RAC1: variants seen among roughly 807,000 people sequenced by gnomAD.
RAC1 encodes Rac family small GTPase 1.
A neutral mutation model predicts 25.2 loss-of-function variants in RAC1; 2 were observed. The ratio of observed to expected loss-of-function variants is 0.08; its 90% CI spans 0.03 to 0.25. The LOEUF (loss-of-function observed/expected upper bound fraction) is 0.25, where lower values mean the gene tolerates loss of function less well. RAC1 is among the 10% of genes least tolerant of loss of function. RAC1 has a pLI of 1.00. For missense variants in RAC1, 50 were observed against 235.7 expected (o/e 0.21, Z 5.16); for synonymous variants, 88 against 94.0 (o/e 0.94, Z 0.37).
In RAC1 at chr7:6,380,204, GTT is replaced by G. The variant is rs200906891; in HGVS notation, c.35+5437_35+5438del. Among the ~76,000 whole-genome samples the G allele has an allele frequency of 7.6e-3, 1,161 of 152,278 alleles. 10 individuals are homozygous for G. The highest frequency in any genetic ancestry group is 0.026 in the African/African-American group (1,088 of 41,550). On this transcript the variant is annotated intron_variant, in intron 1 of 5. Coordinates refer to ENST00000348035, the MANE Select transcript of RAC1 (RefSeq NM_006908.5). ...ATGAATTTGTTTAAGCTTTTCAGCTGTTTTGTGTGTTTTCCTCTCAAGGCATG... is the reference window on the plus strand; with the variant it reads ...ATGAATTTGTTTAAGCTTTTCAGCTGTTGTGTGTTTTCCTCTCAAGGCATG...
intron 2 of RAC1, among the ~76,000 whole-genome samples, chr7:6,387,905 T>C (rs1267930866): frequency 6.6e-6 from 1 of 152,102 alleles, no homozygotes; most frequent in Non-Finnish European, 1.5e-5. Flanking sequence ...GAAACAGTCC[T>C]TGTCAGTGCA....
chr7:6,402,058 G>A (rs377255828), intron 5 of RAC1, 31 bp downstream of exon 5: 6 of 1,602,000 alleles, frequency 3.7e-6, no homozygotes, highest in Non-Finnish European at 5.1e-6. Context: ...CCTCCTCCTT[G>A]TACCTCTTTT....
chr7:6,398,540 T>A lies in RAC1; in HGVS notation c.226-1586T>A, dbSNP rs1183154631. The A allele has an allele frequency of 2.5e-4, 190 of 757,796 alleles. 2 individuals carry two copies. Among genetic ancestry groups the A allele is most frequent in the Non-Finnish European group, 6.2e-5 (28 of 454,072 alleles). 46.9% of individuals were successfully genotyped at this position (757,796 alleles called of 1,614,324 possible). A position where few individuals can be genotyped will look rare whatever the true frequency, so the allele number is the denominator to read the frequency against. ...CGAAGATATGTTAGAATCTATTGTA[T>A]GCTTTTGGATCTCTCCGGAGGGTTA... On this transcript the variant is annotated intron_variant, in intron 3 of 5. Transcript: ENST00000348035.
At chr7:6,387,457 T>TG (rs1262732022) in intron 2 of RAC1, among the ~76,000 whole-genome samples, 174 bp downstream of exon 2, 2 of 152,126 alleles carry the variant, frequency 1.3e-5, no homozygotes, top group Non-Finnish European at 2.9e-5. Context: ...AAAATAGGGC[T>TG]GGGGGTGGTG....
At chr7:6,390,889 T>G (rs1033702012) in intron 2 of RAC1, among the ~76,000 whole-genome samples, 3 of 152,040 alleles carry the variant, frequency 2.0e-5, no homozygotes, top group East Asian at 1.9e-4. Context: ...CATCACACCT[T>G]TTCTTTCTTC....
chr7:6,376,271 C>T (rs1466355885), intron 1 of RAC1, among the ~76,000 whole-genome samples: 2 of 149,212 alleles, frequency 1.3e-5, no homozygotes, highest in Non-Finnish European at 3.0e-5. Context: ...CAACCTCCGC[C>T]TCCCAGGTTC....
At chr7:6,391,885 T>C (rs1783102456) in intron 2 of RAC1, 39 bp from the exon 3 acceptor site, 1 of 1,613,670 alleles carries the variant, frequency 6.2e-7, no homozygotes, top group South Asian at 1.1e-5. Context: ...TGACTTAGCT[T>C]CTACACCTGT....
intron 1 of RAC1, among the ~76,000 whole-genome samples, chr7:6,383,725 AG>A (rs200683882): frequency 0.012 from 1,805 of 147,782 alleles, 40 homozygotes; most frequent in African/African-American, 0.043. Flanking sequence ...AAACCTTCAT[AG>A]CAGCTTATCC....
chr7:6,399,007 C>A (rs1303609602), intron 3 of RAC1, among the ~76,000 whole-genome samples: 10 of 152,198 alleles, frequency 6.6e-5, no homozygotes, highest in African/African-American at 2.4e-4. Flanking sequence ...TATGGAGACT[C>A]CTCCCGGAAG....
At chr7:6,400,474 T>TTTA (rs1443009668) in intron 4 of RAC1, among the ~76,000 whole-genome samples, 2 of 151,840 alleles carry the variant, frequency 1.3e-5, no homozygotes, top group Non-Finnish European at 2.9e-5. Context: ...GGACCATAAA[T>TTTA]GTGCACCACC....
chr7:6,384,613 G>A (rs1471677157), intron 1 of RAC1, among the ~76,000 whole-genome samples: 2 of 152,064 alleles, frequency 1.3e-5, no homozygotes, highest in Non-Finnish European at 1.5e-5. Context: ...GAGTAGCTGG[G>A]ACTACAGGCA....
Position 6,392,595 on chromosome 7 carries a change from CTG to C in RAC1, c.225+556_225+557del, listed in dbSNP as rs1242547409. Among the ~76,000 whole-genome samples the C allele has an allele frequency of 4.6e-5, 7 of 152,266 alleles. No individual in the cohort carries two copies. In the South Asian group the frequency reaches 1.0e-3, roughly 23 times the overall value. On this transcript the variant is annotated intron_variant, in intron 3 of 5. Coordinates refer to ENST00000348035, the MANE Select transcript of RAC1 (RefSeq NM_006908.5). ...CAGAAAAAAAAGTTTACTTTTGCTTCTGTATCAGACAACTAAGTGATTTATTT... is the reference window on the plus strand; with the variant it reads ...CAGAAAAAAAAGTTTACTTTTGCTTCTATCAGACAACTAAGTGATTTATTT...
At chr7:6,395,453 T>A (rs1783209244) in intron 3 of RAC1, among the ~76,000 whole-genome samples, 1 of 152,160 alleles carries the variant, frequency 6.6e-6, no homozygotes, top group Admixed American at 6.5e-5. Flanking sequence ...TTGTTACTCT[T>A]CGCCGCGAGG....
At chr7:6,376,672 G>GTTTTTTTTTTTTT (rs71008385) in intron 1 of RAC1, among the ~76,000 whole-genome samples, 2 of 99,960 alleles carry the variant, frequency 2.0e-5, no homozygotes, top group African/African-American at 3.9e-5. Context: ...CAGCTAATTT[G>GTTTTTTTTTTTTT]TTTTTTTTTT....
At chr7:6,390,194 C>T (rs1208768694) in intron 2 of RAC1, among the ~76,000 whole-genome samples, 1 of 144,700 alleles carries the variant, frequency 6.9e-6, no homozygotes, top group Non-Finnish European at 1.5e-5. Flanking sequence ...GAGTAGCATG[C>T]TCCACTGCAC....
chr7:6,391,892 C>A, intron 2 of RAC1, 32 bp from the exon 3 acceptor site: 1 of 1,613,912 alleles, frequency 6.2e-7, no homozygotes, highest in African/African-American at 1.3e-5. Flanking sequence ...GCTTCTACAC[C>A]TGTGACTAAC....
At chr7:6,398,650 A>G (rs3729794) in intron 3 of RAC1, 1 of 1,611,644 alleles carries the variant, frequency 6.2e-7, no homozygotes, top group Admixed American at 1.7e-5. Context: ...CCAAGTTCTC[A>G]TGCATTACTA....
chr7:6,387,889 T>G (rs1025486079), intron 2 of RAC1, among the ~76,000 whole-genome samples: 2 of 152,212 alleles, frequency 1.3e-5, no homozygotes, highest in Non-Finnish European at 2.9e-5. Context: ...ACCAAAAGTC[T>G]GATCAGAAAC....
intron 1 of RAC1, among the ~76,000 whole-genome samples, chr7:6,382,717 A>C (rs549376502): frequency 1.7e-4 from 26 of 152,312 alleles, no homozygotes; most frequent in Admixed American, 7.8e-4. Flanking sequence ...ACAACAACAA[A>C]AAAAAATTAG....
Sources: allele counts gnomAD v4.1 joint callset (sites outside exome capture counted in the v4.1 genomes callset), GRCh38; gene constraint gnomAD v4.1.1; transcripts MANE v1.5; gene names NCBI Gene and HGNC (gene_info 2026-07-23, HGNC 2026-07-21).